KCNK2: variants seen among roughly 807,000 people sequenced by gnomAD.
KCNK2 encodes potassium channel subfamily K member 2.
KCNK2 carries 21 observed loss-of-function variants against 40.5 expected under a neutral mutation model. The observed-to-expected ratio is 0.52, with a 90% confidence interval of 0.37 to 0.75. The LOEUF (loss-of-function observed/expected upper bound fraction) is 0.75, where lower values mean the gene tolerates loss of function less well. Ranked by LOEUF, KCNK2 falls within the 30% of genes least tolerant of loss-of-function variation. The pLI is 0.00. For synonymous variants in KCNK2, 191 were observed against 202.2 expected, an observed-to-expected ratio of 0.94 and a Z score of 0.47; for missense variants, 399 against 531.6, an observed-to-expected ratio of 0.75 and a Z score of 2.45.
intron 6 of KCNK2, among the ~76,000 whole-genome samples, chr1:215,233,208 C>T (rs774303701): frequency 2.0e-5 from 3 of 152,078 alleles, no homozygotes; most frequent in Admixed American, 6.6e-5. Context: ...TTTGCTGATT[C>T]TACATGCCAT....
At chr1:215,179,022 CATTTT>C (rs1664111625) in intron 5 of KCNK2, among the ~76,000 whole-genome samples, 2 of 151,554 alleles carry the variant, frequency 1.3e-5, no homozygotes, top group Non-Finnish European at 2.9e-5. Context: ...TTACTGATTC[CATTTT>C]GGAAGTCAAT....
intron 1 of KCNK2, among the ~76,000 whole-genome samples, chr1:215,007,031 A>ATGTGTG (rs1346524192): frequency 1.3e-5 from 1 of 79,310 alleles, no homozygotes; most frequent in African/African-American, 5.6e-5. Flanking sequence ...ATATATATAT[A>ATGTGTG]TATATATGTG....
In KCNK2 at chr1:215,060,731, G is replaced by A. The variant is rs555228622; in HGVS notation, c.35-25637G>A. On this transcript the variant is annotated intron_variant, in intron 1 of 6. Transcript: ENST00000391895. ...CTCATTCTTTGTTCTGATGACTTGG[G>A]TGTTCATTGAATATAAATTACCTTC... Among the ~76,000 whole-genome samples, 15 of 152,196 alleles carry A rather than the reference G, an allele frequency of 9.9e-5. No homozygotes were observed. In the East Asian group the frequency reaches 1.9e-3, roughly 20 times the overall value.
At chr1:215,028,196 G>A (rs986338864) in intron 1 of KCNK2, among the ~76,000 whole-genome samples, 2 of 152,076 alleles carry the variant, frequency 1.3e-5, no homozygotes, top group Non-Finnish European at 2.9e-5. Context: ...AAACCAGCCT[G>A]GCCAATGTGG....
chr1:215,147,023 A>C (rs1571664372), intron 3 of KCNK2, among the ~76,000 whole-genome samples: 1 of 152,330 alleles, frequency 6.6e-6, no homozygotes, highest in Admixed American at 6.5e-5. Flanking sequence ...AAATATAGTA[A>C]TAGAGTGATG....
At chr1:215,194,896 A>T (rs1429029586) in intron 5 of KCNK2, 57 bp from the exon 6 acceptor site, 35 of 1,549,326 alleles carry the variant, frequency 2.3e-5, no homozygotes, top group Non-Finnish European at 3.0e-5. Context: ...AGCAATACCT[A>T]GATTGTTTAC....
At chr1:215,032,615 T>C (rs1657243426) in intron 1 of KCNK2, among the ~76,000 whole-genome samples, 1 of 152,148 alleles carries the variant, frequency 6.6e-6, no homozygotes, top group African/African-American at 2.4e-5. Context: ...AGAAAAATAT[T>C]TCTCCTTTAC....
chr1:215,222,083 A>T (rs539652187), intron 6 of KCNK2, among the ~76,000 whole-genome samples: 1 of 152,244 alleles, frequency 6.6e-6, no homozygotes, highest in South Asian at 2.1e-4. Context: ...TTAAATGACC[A>T]GATCTCGTAA....
chr1:215,164,228 T>G (rs1663338463), intron 3 of KCNK2, among the ~76,000 whole-genome samples: 1 of 152,240 alleles, frequency 6.6e-6, no homozygotes, highest in East Asian at 1.9e-4. Context: ...TAGTATTCTC[T>G]GATGGTAGTT....
intron 6 of KCNK2, among the ~76,000 whole-genome samples, chr1:215,206,035 A>G (rs1223564894): frequency 1.3e-5 from 2 of 152,176 alleles, no homozygotes; most frequent in African/African-American, 4.8e-5. Flanking sequence ...TCAAGGTAAG[A>G]GTTCAAGTAA....
In KCNK2 at chr1:215,083,343, A is replaced by G; in HGVS notation, c.-43A>G. ...TGGCGTGTTTGTAAAAAAAAGCTTC[A>G]AGTCCGTCTTTTTCAAAAAACATTT... On this transcript the variant is annotated 5_prime_UTR_variant, in exon 1 of 7. Coordinates refer to ENST00000444842, the MANE Select transcript of KCNK2 (RefSeq NM_001017425.3). 6.2e-7 allele frequency: 1 copy of G among 1,613,850 alleles called. No homozygotes were observed. Among genetic ancestry groups the G allele is most frequent in the East Asian group, 2.2e-5 (1 of 44,804 alleles).
At chr1:215,106,966 C>T (rs954777246) in intron 2 of KCNK2, among the ~76,000 whole-genome samples, 1 of 151,840 alleles carries the variant, frequency 6.6e-6, no homozygotes, top group African/African-American at 2.4e-5. Context: ...GTACCAGTAC[C>T]ATGCTGTTTT....
intron 6 of KCNK2, among the ~76,000 whole-genome samples, chr1:215,225,240 AT>A (rs1571750826): frequency 2.6e-5 from 4 of 152,192 alleles, no homozygotes; most frequent in South Asian, 2.1e-4. Context: ...ATGCAATTTT[AT>A]TTTTTTATCA....
At chr1:215,160,704 C>T (rs1365600027) in intron 3 of KCNK2, among the ~76,000 whole-genome samples, 1 of 152,074 alleles carries the variant, frequency 6.6e-6, no homozygotes, top group African/African-American at 2.4e-5. Flanking sequence ...TCTTTGAGGG[C>T]CCTCTTTGCC....
chr1:215,166,278 G>A (rs1169291803), intron 3 of KCNK2, among the ~76,000 whole-genome samples: 3 of 151,942 alleles, frequency 2.0e-5, no homozygotes, highest in Non-Finnish European at 4.4e-5. Context: ...CGATGCAGAG[G>A]GACCATGAAC....
chr1:215,084,563 G>A (rs1659345925), intron 1 of KCNK2, among the ~76,000 whole-genome samples: 1 of 152,172 alleles, frequency 6.6e-6, no homozygotes. Context: ...GCAGATTATA[G>A]TGATTTTAGC....
intron 3 of KCNK2, among the ~76,000 whole-genome samples, chr1:215,160,700 A>C (rs1451618654): frequency 6.6e-6 from 1 of 152,008 alleles, no homozygotes; most frequent in African/African-American, 2.4e-5. Flanking sequence ...AGTCTCTTTG[A>C]GGGCCCTCTT....
chr1:215,006,147 A>C (rs919323003), intron 1 of KCNK2, among the ~76,000 whole-genome samples: 1 of 152,164 alleles, frequency 6.6e-6, no homozygotes, highest in Admixed American at 6.6e-5. Flanking sequence ...CACTGAAATA[A>C]ATTGCACGTT....
At chr1:215,082,529 G>T (rs140485313), upstream of KCNK2, among the ~76,000 whole-genome samples, 146 of 152,218 alleles carry the variant, frequency 9.6e-4, no homozygotes, top group African/African-American at 3.2e-3. Flanking sequence ...GGGGATGGGG[G>T]TTAGTGGAAG....
Sources: allele counts gnomAD v4.1 joint callset (sites outside exome capture counted in the v4.1 genomes callset), GRCh38; gene constraint gnomAD v4.1.1; transcripts MANE v1.5; gene names NCBI Gene and HGNC (gene_info 2026-07-23, HGNC 2026-07-21).